The following STXBP5L variants were observed in gnomAD, a reference collection of about 807,000 sequenced individuals.
STXBP5L encodes syntaxin-binding protein 5-like.
A neutral mutation model predicts 144.5 loss-of-function variants in STXBP5L; 65 were observed. The observed-to-expected ratio is 0.45, with a 90% CI of 0.37 to 0.55. STXBP5L has a LOEUF of 0.55. Among genes scored for constraint, STXBP5L ranks in the 20% least tolerant of loss-of-function variants. The pLI, the probability that STXBP5L is intolerant of heterozygous loss-of-function variation, is 0.00. For missense variants in STXBP5L, 1,298 were observed against 1,405.5 expected (o/e 0.92, Z 1.22); for synonymous variants, 505 against 469.6 (o/e 1.08, Z -0.97).
rs188980844 is a variant in STXBP5L, at chr3:121,089,382, G to T, written c.471-25543G>T. Among the ~76,000 whole-genome samples, 294 of 151,338 alleles carry T rather than the reference G, an allele frequency of 1.9e-3. 3 individuals carry two copies. The highest frequency in any genetic ancestry group is 5.1e-3 in the Admixed American group (78 of 15,204). ...TTGCTTAATATAGAATTCTAGGTTGGTAGTTTTTCTTTGTTTTTCATTTTA... is the reference window on the plus strand; with the variant it reads ...TTGCTTAATATAGAATTCTAGGTTGTTAGTTTTTCTTTGTTTTTCATTTTA... On this transcript the variant is annotated intron_variant, in intron 5 of 26. Coordinates refer to ENST00000471454, the MANE Select transcript of STXBP5L (RefSeq NM_001308330.2).
At chr3:121,267,879 A>T (rs558962567) in intron 18 of STXBP5L, among the ~76,000 whole-genome samples, 2 of 152,338 alleles carry the variant, frequency 1.3e-5, no homozygotes, top group Admixed American at 1.3e-4. Flanking sequence ...GCCAGTTAGA[A>T]TGGTGATTAT....
chr3:121,045,373 G>A (rs980499309), intron 4 of STXBP5L, 62 bp from the exon 5 acceptor site: 15 of 1,456,544 alleles, frequency 1.0e-5, no homozygotes, highest in Non-Finnish European at 1.4e-5. Flanking sequence ...TAGCTTGTTT[G>A]TGATTAAAAA....
chr3:121,071,359 G>A (rs74573025), intron 5 of STXBP5L, among the ~76,000 whole-genome samples: 2,935 of 152,310 alleles, frequency 0.019, 89 homozygotes, highest in African/African-American at 0.066. Context: ...GATTCTGTTT[G>A]TGTGACTAGA....
At chr3:121,167,482 A>T (rs2046541821) in intron 9 of STXBP5L, among the ~76,000 whole-genome samples, 1 of 152,156 alleles carries the variant, frequency 6.6e-6, no homozygotes, top group South Asian at 2.1e-4. Flanking sequence ...TATAGATCCC[A>T]CTTTAGGGAA....
chr3:120,996,604 A>G (rs906877633), intron 3 of STXBP5L, among the ~76,000 whole-genome samples: 4 of 152,094 alleles, frequency 2.6e-5, no homozygotes, highest in Non-Finnish European at 4.4e-5. Context: ...TTTAACTAAT[A>G]TCTCCCCATT....
At chr3:120,941,237 C>T (rs933801534) in intron 2 of STXBP5L, among the ~76,000 whole-genome samples, 2 of 151,684 alleles carry the variant, frequency 1.3e-5, no homozygotes, top group Non-Finnish European at 3.0e-5. Flanking sequence ...AATCTCTGAT[C>T]TCAAGTAATT....
chr3:121,179,032 G>C (rs1273356600), intron 9 of STXBP5L, among the ~76,000 whole-genome samples: 1 of 152,038 alleles, frequency 6.6e-6, no homozygotes, highest in Admixed American at 6.6e-5. Flanking sequence ...AGATGGGGAG[G>C]GGCATGGCCT....
chr3:121,308,772 A>G (rs1413435478), intron 19 of STXBP5L, among the ~76,000 whole-genome samples: 1 of 152,108 alleles, frequency 6.6e-6, no homozygotes, highest in Non-Finnish European at 1.5e-5. Flanking sequence ...TAGCTTTTAT[A>G]AAAGAAATAA....
chr3:120,935,247 C>T (rs1179427101), intron 2 of STXBP5L, among the ~76,000 whole-genome samples: 1 of 151,628 alleles, frequency 6.6e-6, no homozygotes. Flanking sequence ...TAACAATGTA[C>T]CACTACATGA....
intron 3 of STXBP5L, among the ~76,000 whole-genome samples, chr3:121,036,917 A>T (rs1946798875): frequency 6.6e-6 from 1 of 151,562 alleles, no homozygotes; most frequent in South Asian, 2.1e-4. Flanking sequence ...ATAATTCTTT[A>T]AAAAATTTTA....
At chr3:121,342,725 T>C (rs952193617) in intron 20 of STXBP5L, among the ~76,000 whole-genome samples, 1 of 149,504 alleles carries the variant, frequency 6.7e-6, no homozygotes, top group African/African-American at 2.5e-5. Context: ...ATGTGCCACA[T>C]TTTCTTAATC....
At chr3:121,348,636 C>T (rs2045116709) in intron 20 of STXBP5L, among the ~76,000 whole-genome samples, 1 of 151,920 alleles carries the variant, frequency 6.6e-6, no homozygotes, top group East Asian at 1.9e-4. Flanking sequence ...AATTTCAAAG[C>T]CTGTTATTGG....
At chr3:121,126,678 A>G (rs529237821) in intron 7 of STXBP5L, among the ~76,000 whole-genome samples, 56 of 152,304 alleles carry the variant, frequency 3.7e-4, no homozygotes, top group African/African-American at 1.3e-3. Context: ...TTAGTTTCCC[A>G]TTGTCAAAAT....
At chr3:120,983,688 T>G (rs1212107063) in intron 3 of STXBP5L, among the ~76,000 whole-genome samples, 1 of 152,016 alleles carries the variant, frequency 6.6e-6, no homozygotes, top group Non-Finnish European at 1.5e-5. Flanking sequence ...ATTATAGGAG[T>G]GTGGAGCCCT....
chr3:121,377,038 T>C (rs1576317678), intron 20 of STXBP5L, among the ~76,000 whole-genome samples: 2 of 152,318 alleles, frequency 1.3e-5, no homozygotes, highest in Non-Finnish European at 1.5e-5. Context: ...TTGTCTATTA[T>C]TGGTGTATAG....
chr3:120,979,306 G>A (rs1003382848), intron 3 of STXBP5L, among the ~76,000 whole-genome samples: 3 of 152,194 alleles, frequency 2.0e-5, no homozygotes, highest in African/African-American at 7.2e-5. Flanking sequence ...TCAGACTGCT[G>A]TGCTAGCAAT....
intron 3 of STXBP5L, among the ~76,000 whole-genome samples, chr3:120,984,632 CTTTTTTTTTTTT>C (rs35656223): frequency 2.8e-5 from 2 of 71,960 alleles, no homozygotes; most frequent in Non-Finnish European, 4.9e-5. Context: ...TCTTTCTTTC[CTTTTTTTTTTTT>C]TTTTTTTTTT....
intron 3 of STXBP5L, among the ~76,000 whole-genome samples, chr3:121,035,277 C>A (rs1389430079): frequency 6.6e-6 from 1 of 152,040 alleles, no homozygotes. Flanking sequence ...AATAATGAAT[C>A]CTTTGCCTAG....
intron 5 of STXBP5L, among the ~76,000 whole-genome samples, chr3:121,098,809 G>T (rs145629606): frequency 1.3e-4 from 20 of 152,202 alleles, no homozygotes; most frequent in Non-Finnish European, 1.3e-4. Context: ...GTTTATAATT[G>T]GCATGTCTGT....
Sources: allele counts gnomAD v4.1 joint callset (sites outside exome capture counted in the v4.1 genomes callset), GRCh38; gene constraint gnomAD v4.1.1; transcripts MANE v1.5; gene names NCBI Gene and HGNC (gene_info 2026-07-23, HGNC 2026-07-21).